The following ANKRD30B variants were observed in gnomAD, a reference collection of about 807,000 sequenced individuals.
The protein encoded by ANKRD30B is ankyrin repeat domain 30B, also known as ankyrin repeat domain-containing protein 30B.
In ANKRD30B, 144 loss-of-function variants were observed where a neutral mutation model predicts 202.2. That is an observed-to-expected ratio of 0.71 (90% CI 0.62 to 0.82). ANKRD30B has a LOEUF of 0.82. Among genes scored for constraint, ANKRD30B ranks in the 40% least tolerant of loss-of-function variants. The probability of loss-of-function intolerance (pLI) is 0.00; values close to 1 mark genes in which losing one functional copy is unlikely to be tolerated. For synonymous variants in ANKRD30B, 508 were observed against 561.3 expected (o/e 0.91, Z 1.34); for missense variants, 1,487 against 1,669.1 (o/e 0.89, Z 1.90).
At chr18:14,770,074 T>A (rs11080791) in intron 8 of ANKRD30B, among the ~76,000 whole-genome samples, 86,358 of 151,944 alleles carry the variant, frequency 0.57, 24,821 homozygotes, top group African/African-American at 0.63. Flanking sequence ...TCAAAGCAGT[T>A]CCCTGCCTAG....
intron 16 of ANKRD30B, among the ~76,000 whole-genome samples, chr18:14,793,778 C>G (rs1968684312): frequency 1.3e-5 from 2 of 151,566 alleles, no homozygotes; most frequent in South Asian, 4.2e-4. Flanking sequence ...CCTGTAGTCC[C>G]AGCCACTCAG....
chr18:14,866,444 G>T, the ANKRD30B span, among the ~76,000 whole-genome samples: 1 of 152,138 alleles, frequency 6.6e-6, no homozygotes, highest in African/African-American at 2.4e-5. Flanking sequence ...GGCAGCCGGG[G>T]CGGTAGGAGT....
the ANKRD30B span, among the ~76,000 whole-genome samples, chr18:14,887,136 A>G: frequency 1.3e-5 from 2 of 152,178 alleles, no homozygotes; most frequent in Non-Finnish European, 2.9e-5. Context: ...CCCATTGGTG[A>G]ACATATAAAG....
chr18:14,917,370 A>G, the ANKRD30B span, among the ~76,000 whole-genome samples: 2 of 150,378 alleles, frequency 1.3e-5, no homozygotes, highest in African/African-American at 4.9e-5. Context: ...CTCTGTTATC[A>G]TTTTCCTGTA....
At chr18:14,919,350 C>A in the ANKRD30B span, among the ~76,000 whole-genome samples, 1 of 152,156 alleles carries the variant, frequency 6.6e-6, no homozygotes, top group Non-Finnish European at 1.5e-5. Flanking sequence ...GAAGGTGTAG[C>A]TCTTTTGACT....
chr18:14,867,305 T>G, the ANKRD30B span, among the ~76,000 whole-genome samples: 1 of 75,294 alleles, frequency 1.3e-5, no homozygotes, highest in Non-Finnish European at 2.6e-5. Flanking sequence ...GGGCTAAGCT[T>G]GTGGGGAGGG....
intron 40 of ANKRD30B, among the ~76,000 whole-genome samples, 195 bp from the exon 41 acceptor site, chr18:14,850,019 T>C (rs1365139974): frequency 6.6e-6 from 1 of 151,622 alleles, no homozygotes; most frequent in Non-Finnish European, 1.5e-5. Context: ...AAGTTTTTTC[T>C]CACTATTTTT....
the ANKRD30B span, among the ~76,000 whole-genome samples, chr18:14,865,810 C>T: frequency 1.3e-5 from 2 of 152,182 alleles, no homozygotes; most frequent in Non-Finnish European, 2.9e-5. Context: ...GCCATGGTGC[C>T]ACAGGCTACA....
chr18:14,841,748 G>A (rs1409425695), intron 37 of ANKRD30B, among the ~76,000 whole-genome samples: 2 of 152,162 alleles, frequency 1.3e-5, no homozygotes, highest in African/African-American at 2.4e-5. Flanking sequence ...AAGGAAATTT[G>A]AGTGAATTCA....
At chr18:14,783,273 A>C (rs1434924627) in intron 12 of ANKRD30B, among the ~76,000 whole-genome samples, 1 of 152,182 alleles carries the variant, frequency 6.6e-6, no homozygotes, top group Non-Finnish European at 1.5e-5. Context: ...GGTAATACAC[A>C]GTATCATTCA....
chr18:14,924,671 C>G, the ANKRD30B span, among the ~76,000 whole-genome samples: 1 of 152,212 alleles, frequency 6.6e-6, no homozygotes, highest in African/African-American at 2.4e-5. Context: ...AGACAGGAGA[C>G]TTTTAGGTGA....
chr18:14,887,637 G>A, the ANKRD30B span, among the ~76,000 whole-genome samples: 1 of 151,688 alleles, frequency 6.6e-6, no homozygotes, highest in African/African-American at 2.4e-5. Flanking sequence ...CTTAGTGTCA[G>A]TCACAAAGGG....
chr18:14,767,738 G>T (rs1462647813), intron 7 of ANKRD30B, among the ~76,000 whole-genome samples: 2 of 152,178 alleles, frequency 1.3e-5, no homozygotes, highest in East Asian at 3.9e-4. Context: ...GCAAAGGAAT[G>T]ATTCATGACC....
At chr18:14,839,090 G>C (rs1483153611) in intron 36 of ANKRD30B, among the ~76,000 whole-genome samples, 1 of 152,174 alleles carries the variant, frequency 6.6e-6, no homozygotes, top group Non-Finnish European at 1.5e-5. Context: ...TTTTGACCTG[G>C]AGTAATTTCT....
At chr18:14,794,211 G>A (rs1392630009) in intron 16 of ANKRD30B, among the ~76,000 whole-genome samples, 2 of 151,858 alleles carry the variant, frequency 1.3e-5, no homozygotes, top group Non-Finnish European at 2.9e-5. Flanking sequence ...AACGAAGGTA[G>A]TATTTCCCTG....
At chr18:14,793,135 C>A (rs1405784891) in intron 16 of ANKRD30B, among the ~76,000 whole-genome samples, 1 of 152,000 alleles carries the variant, frequency 6.6e-6, no homozygotes, top group Non-Finnish European at 1.5e-5. Context: ...CTAGAAATTA[C>A]AAAAATGTTG....
chr18:14,887,615 C>T, the ANKRD30B span, among the ~76,000 whole-genome samples: 3 of 151,770 alleles, frequency 2.0e-5, no homozygotes, highest in Non-Finnish European at 4.4e-5. Flanking sequence ...GGCCCAAGTG[C>T]TGTGTGCTAG....
chr18:14,815,641 G>A (rs1043377799), intron 30 of ANKRD30B, among the ~76,000 whole-genome samples: 1 of 152,148 alleles, frequency 6.6e-6, no homozygotes, highest in Non-Finnish European at 1.5e-5. Flanking sequence ...TATGTTTTTA[G>A]CCAGAGAAGA....
chr18:14,842,883 C>T lies in ANKRD30B; in HGVS notation c.3080-14C>T. The T allele has an allele frequency of 6.5e-7, 1 of 1,548,008 alleles. No homozygotes were observed. Among genetic ancestry groups the T allele is most frequent in the Non-Finnish European group, 8.7e-7 (1 of 1,144,740 alleles). On this transcript the variant is annotated splice_polypyrimidine_tract_variant and intron_variant, in intron 37 of 43. Transcript: ENST00000690538. Reference sequence around the variant, plus strand: ...TTTACTTATGACTGATAATAAATCTCTTTTGCTTTTTAGAGTCTCCTGAAA... The same window carrying T: ...TTTACTTATGACTGATAATAAATCTTTTTTGCTTTTTAGAGTCTCCTGAAA...
Sources: gnomAD v4.1 joint callset for allele counts (sites outside exome capture counted in the v4.1 genomes callset) on GRCh38, gnomAD v4.1.1 for gene constraint, MANE v1.5 for transcripts, NCBI Gene and HGNC (gene_info 2026-07-23, HGNC 2026-07-21) for gene names.